The following PAX3 variants were observed in gnomAD, a reference collection of about 807,000 sequenced individuals.
PAX3 encodes the protein paired box 3, also known as paired box protein Pax-3.
Under a neutral mutation model 51.6 loss-of-function variants are expected in PAX3, and 14 were observed. That is an observed-to-expected ratio of 0.27 (90% CI 0.18 to 0.42). PAX3 has a LOEUF of 0.42. Ranked by LOEUF, PAX3 falls within the 10% of genes least tolerant of loss-of-function variation. The pLI, the probability that PAX3 is intolerant of heterozygous loss-of-function variation, is 1.00. For synonymous variants in PAX3, 280 were observed against 253.4 expected, an observed-to-expected ratio of 1.11 and a Z score of -1.00; for missense variants, 540 against 642.8, an observed-to-expected ratio of 0.84 and a Z score of 1.73.
intron 7 of PAX3, among the ~76,000 whole-genome samples, chr2:222,212,949 T>C (rs1006853527): frequency 1.3e-5 from 2 of 152,186 alleles, no homozygotes; most frequent in Non-Finnish European, 2.9e-5. Flanking sequence ...TCATTTTTTT[T>C]CGACTCAAAA....
chr2:222,213,110 T>G (rs1252971737), intron 7 of PAX3, among the ~76,000 whole-genome samples: 1 of 152,178 alleles, frequency 6.6e-6, no homozygotes, highest in East Asian at 1.9e-4. Context: ...AGGTTTTCTT[T>G]TGGCTCATTT....
intron 5 of PAX3, among the ~76,000 whole-genome samples, chr2:222,230,712 G>A (rs868372888): frequency 1.3e-4 from 19 of 151,676 alleles, no homozygotes; most frequent in Non-Finnish European, 2.1e-4. Context: ...AAAATGAGCC[G>A]GGCCTGGTGG....
rs949220304 is a variant in PAX3 at position 222,295,483 on chromosome 2, G to A, written c.451+45C>T. On this transcript the variant is annotated intron_variant, in intron 3 of 8. Transcript: ENST00000392070. ...TCTGGGTCGACGTGCCGGGGTAATA[G>A]CGACTGACTGTCGCGCCTCGGGGAG... 10 of 1,611,714 alleles carry A rather than the reference G, an allele frequency of 6.2e-6. No homozygotes were observed. In the African/African-American group the frequency reaches 8.0e-5, roughly 13 times the overall value.
At chr2:222,291,031 C>T (rs550745643) in intron 4 of PAX3, among the ~76,000 whole-genome samples, 22 of 152,074 alleles carry the variant, frequency 1.4e-4, no homozygotes, top group African/African-American at 4.8e-4. Flanking sequence ...GCGAGCTAAG[C>T]TTCGAGCCGG....
In PAX3 at chr2:222,202,984, AT is replaced by A. The variant is rs1018681644; in HGVS notation, c.1174-795del. On this transcript the variant is annotated intron_variant, in intron 7 of 8. Coordinates refer to ENST00000392070, the MANE Select transcript of PAX3 (RefSeq NM_181458.4). The stretch of plus-strand genomic sequence containing the variant: ...CAAGTAAAAGCCTCCATTACCTATT[AT>A]TTTATTTCTTCTCTAAACAACCATT... Among the ~76,000 whole-genome samples the A allele has an allele frequency of 7.8e-5, 9 of 115,614 alleles. No homozygotes were observed. In the Admixed American group the frequency reaches 1.0e-3, roughly 13 times the overall value. 75.8% of individuals were successfully genotyped at this position (115,614 alleles called of 152,430 possible). A position where few individuals can be genotyped will look rare whatever the true frequency, so the allele number is the denominator to read the frequency against.
chr2:222,210,543 T>G (rs1574631473), intron 7 of PAX3, among the ~76,000 whole-genome samples: 1 of 152,246 alleles, frequency 6.6e-6, no homozygotes, highest in East Asian at 1.9e-4. Context: ...AGGATGACCC[T>G]CTCCCCTCCC....
intron 4 of PAX3, among the ~76,000 whole-genome samples, chr2:222,243,115 A>G (rs1278342518): frequency 6.6e-6 from 1 of 152,244 alleles, no homozygotes; most frequent in East Asian, 1.9e-4. Context: ...ATCCACAAGG[A>G]AACTTTGCCA....
At chr2:222,275,897 T>G (rs1694403175) in intron 4 of PAX3, among the ~76,000 whole-genome samples, 1 of 152,224 alleles carries the variant, frequency 6.6e-6, no homozygotes, top group Non-Finnish European at 1.5e-5. Flanking sequence ...ATGTGTGTGT[T>G]TTAGTTAAGA....
chr2:222,279,592 G>C (rs1053898734), intron 4 of PAX3, among the ~76,000 whole-genome samples: 4 of 152,184 alleles, frequency 2.6e-5, no homozygotes, highest in Non-Finnish European at 4.4e-5. Flanking sequence ...ATTGTAGTCT[G>C]AGTGACAGTT....
At chr2:222,284,205 G>T (rs1694745787) in intron 4 of PAX3, among the ~76,000 whole-genome samples, 1 of 152,178 alleles carries the variant, frequency 6.6e-6, no homozygotes, top group South Asian at 2.1e-4. Flanking sequence ...TAAGAACAAT[G>T]AAGCAGGCTG....
rs1694201634 is a variant in PAX3, at chr2:222,270,218, T to C, written c.586+23949A>G. On this transcript the variant is annotated intron_variant, in intron 4 of 8. Coordinates refer to ENST00000392070, the MANE Select transcript of PAX3 (RefSeq NM_181458.4). The stretch of plus-strand genomic sequence containing the variant: ...AGAGAGGTTGATGATTAAAGAAGGA[T>C]TTCAGTCCTGGTGAATTATCATCTT... Among the ~76,000 whole-genome samples the C allele has an allele frequency of 3.9e-5, 6 of 152,198 alleles. 1 individual carries two copies. The highest frequency in any genetic ancestry group is 3.9e-4 in the Admixed American group (6 of 15,276).
At chr2:222,245,815 CA>C (rs10628623) in intron 4 of PAX3, among the ~76,000 whole-genome samples, 2,513 of 135,444 alleles carry the variant, frequency 0.019, 25 homozygotes, top group Middle Eastern at 0.1. Flanking sequence ...ACTAAAAATA[CA>C]AAAAAAAAAA....
chr2:222,277,578 C>T lies in PAX3; in HGVS notation c.586+16589G>A, dbSNP rs1306415854. 3.9e-5 allele frequency among the ~76,000 whole-genome samples: 6 copies of T among 152,182 alleles called. No individual in the cohort carries two copies. In the East Asian group the frequency reaches 7.7e-4, roughly 20 times the overall value. On this transcript the variant is annotated intron_variant, in intron 4 of 8. Transcript: ENST00000392070. ...TCAAGCTTGTTCAACCCGTGGCTCA[C>T]GGGCCATATGCAGCCCTGGATGCTT...
chr2:222,229,232 TATC>T (rs1211257439), intron 5 of PAX3, among the ~76,000 whole-genome samples: 1 of 150,380 alleles, frequency 6.6e-6, no homozygotes, highest in African/African-American at 2.4e-5. Context: ...TGCATGTTAA[TATC>T]ATAACATTGA....
At chr2:222,201,668 G>A (rs926343135) in intron 8 of PAX3, 22 of 1,388,242 alleles carry the variant, frequency 1.6e-5, no homozygotes, top group Middle Eastern at 2.6e-4. Context: ...CTAATGTCAG[G>A]GATTATTTCA....
At chr2:222,296,296 C>T (rs1372813069) in intron 2 of PAX3, among the ~76,000 whole-genome samples, 1 of 152,218 alleles carries the variant, frequency 6.6e-6, no homozygotes, top group South Asian at 2.1e-4. Flanking sequence ...TGGAGGTCTT[C>T]GGTTTACCAT....
chr2:222,259,771 TA>T, intron 4 of PAX3, among the ~76,000 whole-genome samples: 1 of 152,348 alleles, frequency 6.6e-6, no homozygotes, highest in South Asian at 2.1e-4. Flanking sequence ...TTGCTTTACC[TA>T]AAAGTAAAAT....
At chr2:222,247,441 A>C (rs1375201961) in intron 4 of PAX3, among the ~76,000 whole-genome samples, 1 of 152,202 alleles carries the variant, frequency 6.6e-6, no homozygotes, top group Non-Finnish European at 1.5e-5. Context: ...TGTGCTGCTT[A>C]GCATAGAATT....
At chr2:222,268,238 T>C (rs1032111229) in intron 4 of PAX3, among the ~76,000 whole-genome samples, 2 of 152,200 alleles carry the variant, frequency 1.3e-5, no homozygotes, top group African/African-American at 2.4e-5. Flanking sequence ...TCTGCAGACA[T>C]GTATGTGCGT....
Sources: allele counts gnomAD v4.1 joint callset (sites outside exome capture counted in the v4.1 genomes callset), GRCh38; gene constraint gnomAD v4.1.1; transcripts MANE v1.5; gene names NCBI Gene and HGNC (gene_info 2026-07-23, HGNC 2026-07-21).